Variants in ZNRF1 observed in about 807,000 individuals in gnomAD.
The protein encoded by ZNRF1 is E3 ubiquitin-protein ligase ZNRF1.
ZNRF1 carries 3 observed loss-of-function variants against 18.4 expected under a neutral mutation model. That is an observed-to-expected ratio of 0.16 (90% CI 0.07 to 0.42). ZNRF1 has a LOEUF of 0.42. Ranked by LOEUF, ZNRF1 falls within the 10% of genes least tolerant of loss-of-function variation. ZNRF1 has a pLI of 0.99. For missense variants in ZNRF1, 310 were observed against 329.8 expected (o/e 0.94, Z 0.47); for synonymous variants, 157 against 144.2 (o/e 1.09, Z -0.64).
intron 2 of ZNRF1, among the ~76,000 whole-genome samples, chr16:75,103,190 A>G (rs1009049338): frequency 5.3e-5 from 8 of 152,206 alleles, no homozygotes; most frequent in Non-Finnish European, 1.2e-4. Context: ...GGCACGCAGA[A>G]TGCCATAGGA....
chr16:75,093,357 C>G (rs2036162464), intron 1 of ZNRF1, among the ~76,000 whole-genome samples: 1 of 151,318 alleles, frequency 6.6e-6, no homozygotes, highest in Non-Finnish European at 1.5e-5. Context: ...TGCACTCCAG[C>G]CTGGGCGACA....
chr16:75,104,224 A>G (rs921865049), intron 2 of ZNRF1: 1 of 152,358 alleles, frequency 6.6e-6, no homozygotes, highest in Non-Finnish European at 1.5e-5. Context: ...GTAATATTCC[A>G]TTGTGTGGAT....
At chr16:75,000,121 C>G (rs772400944) in intron 1 of ZNRF1, 26 bp downstream of exon 1, 1 of 1,586,420 alleles carries the variant, frequency 6.3e-7, no homozygotes, top group East Asian at 2.3e-5. Flanking sequence ...GTGGAGGCCT[C>G]GGAGGGAGGG....
At chr16:75,011,464 C>T (rs1365945507) in intron 1 of ZNRF1, among the ~76,000 whole-genome samples, 1 of 152,162 alleles carries the variant, frequency 6.6e-6, no homozygotes, top group East Asian at 1.9e-4. Context: ...AACTCCTGGG[C>T]TTAAGACATC....
At chr16:75,075,335 G>A (rs985040811) in intron 1 of ZNRF1, among the ~76,000 whole-genome samples, 1 of 152,266 alleles carries the variant, frequency 6.6e-6, no homozygotes, top group South Asian at 2.1e-4. Flanking sequence ...CTGTGCACAT[G>A]CACACATGAT....
intron 2 of ZNRF1, chr16:75,104,002 TGGG>T (rs35216998): frequency 6.7e-6 from 1 of 149,940 alleles, no homozygotes; most frequent in Non-Finnish European, 1.5e-5. Flanking sequence ...AGCGGGGTGG[TGGG>T]GGGGGAGAAA....
intron 1 of ZNRF1, among the ~76,000 whole-genome samples, chr16:75,069,362 T>A (rs1261773025): frequency 2.0e-5 from 3 of 152,200 alleles, no homozygotes; most frequent in African/African-American, 7.2e-5. Flanking sequence ...TTAAATGGTT[T>A]CCCCTCAGGC....
At chr16:75,003,866 A>G (rs981808332) in intron 1 of ZNRF1, among the ~76,000 whole-genome samples, 2 of 152,100 alleles carry the variant, frequency 1.3e-5, no homozygotes, top group African/African-American at 4.8e-5. Flanking sequence ...TCATGAGATA[A>G]TGTGCACAAA....
chr16:74,999,844 G>A lies in ZNRF1; in HGVS notation c.173G>A (p.Gly58Asp). The A allele has an allele frequency of 2.0e-6, 3 of 1,492,682 alleles. No individual in the cohort carries two copies. The highest frequency in any genetic ancestry group is 2.6e-5 in the South Asian group (2 of 76,966). The allele number at this position is 1,492,682 out of a possible 1,614,324, so 92.5% of individuals were successfully genotyped here. A position where few individuals can be genotyped will look rare whatever the true frequency, so the allele number is the denominator to read the frequency against. ...TCGGTCAGCTCGGTGGCAGGCATGGGCATGGACCCCAGCACGGCCGGGGGG... is the reference window on the plus strand; with the variant it reads ...TCGGTCAGCTCGGTGGCAGGCATGGACATGGACCCCAGCACGGCCGGGGGG... Reference protein sequence around the residue: ...SRSVSSVAGMGMDPSTAGGVP... With the variant: ...SRSVSSVAGMDMDPSTAGGVP... Residue 58 changes from glycine (G) to aspartate (D), a missense_variant, in exon 1 of 5, where the codon GGC becomes GAC. Gly to Asp is a moderately conservative substitution (Grantham distance 94). Transcript: ENST00000335325.
chr16:75,015,758 T>A (rs2035057850), intron 1 of ZNRF1, among the ~76,000 whole-genome samples: 1 of 151,986 alleles, frequency 6.6e-6, no homozygotes, highest in Non-Finnish European at 1.5e-5. Flanking sequence ...TGATTCAAAG[T>A]ACTGGGATAA....
chr16:75,015,921 C>CTTTTTTTT (rs368763105), intron 1 of ZNRF1, among the ~76,000 whole-genome samples: 1 of 137,434 alleles, frequency 7.3e-6, no homozygotes. Context: ...CTTTTCTTTT[C>CTTTTTTTT]TTTTTTTTTT....
At chr16:75,004,056 G>A (rs988355686) in intron 1 of ZNRF1, among the ~76,000 whole-genome samples, 1 of 151,870 alleles carries the variant, frequency 6.6e-6, no homozygotes, top group African/African-American at 2.4e-5. Context: ...AGACTCCTGG[G>A]CTCAGTTGAT....
At chr16:75,004,873 C>T (rs983944710) in intron 1 of ZNRF1, among the ~76,000 whole-genome samples, 7 of 152,162 alleles carry the variant, frequency 4.6e-5, no homozygotes, top group African/African-American at 1.7e-4. Flanking sequence ...ACCTCAACCT[C>T]CCAAGGTATT....
At chr16:75,031,276 C>T (rs908610871) in intron 1 of ZNRF1, among the ~76,000 whole-genome samples, 9 of 151,634 alleles carry the variant, frequency 5.9e-5, no homozygotes, top group East Asian at 1.9e-4. Context: ...GGATTACAGG[C>T]GTGCACCACC....
chr16:75,110,287 T>C lies in ZNRF1; in HGVS notation c.*2587T>C, dbSNP rs1039478011. On this transcript the variant is annotated 3_prime_UTR_variant, in exon 5 of 5. Coordinates refer to ENST00000335325, the MANE Select transcript of ZNRF1 (RefSeq NM_032268.5). ...TGGAGCTCATGTTTGTGATCCTCTA[T>C]CTGGACAGCTCTCCAGAATCCTGTG... 3.1e-4 allele frequency: 48 copies of C among 152,394 alleles called. No individual in the cohort carries two copies. Among genetic ancestry groups the C allele is most frequent in the African/African-American group, 1.1e-3 (46 of 41,588 alleles). The allele number at this position is 152,394 out of a possible 1,614,324, so 9.4% of individuals were successfully genotyped here.
In ZNRF1 at chr16:75,108,019, T is replaced by TA. The variant is rs1309273839; in HGVS notation, c.*328dup. The stretch of plus-strand genomic sequence containing the variant: ...AAAGTGTTTACAAAAAAAAATTATA[T>TA]AAAAAAAAAGTCTAGTGTCGACTGG... On this transcript the variant is annotated 3_prime_UTR_variant, in exon 5 of 5. Transcript: ENST00000335325. The TA allele has an allele frequency of 2.7e-4, 82 of 308,770 alleles. No homozygotes were observed. The highest frequency in any genetic ancestry group is 5.8e-4 in the South Asian group (23 of 39,682). 19.1% of individuals were successfully genotyped at this position (308,770 alleles called of 1,614,324 possible). A position where few individuals can be genotyped will look rare whatever the true frequency, so the allele number is the denominator to read the frequency against.
intron 1 of ZNRF1, among the ~76,000 whole-genome samples, chr16:75,014,599 C>G (rs1256648702): frequency 6.6e-6 from 1 of 152,050 alleles, no homozygotes; most frequent in Non-Finnish European, 1.5e-5. Context: ...TGTTTCATTA[C>G]ATACGTGAAT....
intron 2 of ZNRF1, 68 bp downstream of exon 2, chr16:75,093,735 A>G: frequency 7.6e-7 from 1 of 1,314,872 alleles, no homozygotes; most frequent in South Asian, 1.2e-5. Flanking sequence ...TCCTTGTGGG[A>G]GCCTCCAGTC....
chr16:75,077,082 C>G (rs1161685727), intron 1 of ZNRF1, among the ~76,000 whole-genome samples: 1 of 152,158 alleles, frequency 6.6e-6, no homozygotes, highest in Non-Finnish European at 1.5e-5. Context: ...CCAGGGAACC[C>G]CAGCTACTCT....
Sources: allele counts gnomAD v4.1 joint callset (sites outside exome capture counted in the v4.1 genomes callset), GRCh38; gene constraint gnomAD v4.1.1; transcripts MANE v1.5; gene names NCBI Gene and HGNC (gene_info 2026-07-23, HGNC 2026-07-21).